LYPLAL1: variants seen among roughly 807,000 people sequenced by gnomAD.
LYPLAL1 encodes the protein lysophospholipase like 1.
Under a neutral mutation model 19.7 loss-of-function variants are expected in LYPLAL1, and 23 were observed. The ratio of observed to expected loss-of-function variants is 1.17; its 90% CI spans 0.84 to 1.65. The LOEUF (loss-of-function observed/expected upper bound fraction) is 1.65, where lower values mean the gene tolerates loss of function less well. Among genes scored for constraint, LYPLAL1 ranks in the 40% most tolerant of loss-of-function variants. The pLI is 0.00. For missense variants in LYPLAL1, 355 were observed against 279.4 expected, an observed-to-expected ratio of 1.27 and a Z score of -1.93; for synonymous variants, 119 against 96.3, an observed-to-expected ratio of 1.24 and a Z score of -1.38.
chr1:219,320,687 G>A, the LYPLAL1 span, among the ~76,000 whole-genome samples: 30 of 152,060 alleles, frequency 2.0e-4, no homozygotes, highest in Admixed American at 4.6e-4. Context: ...GAGAACATGC[G>A]GTGTTTGGTT....
At chr1:219,246,064 C>T in the LYPLAL1 span, among the ~76,000 whole-genome samples, 1 of 152,118 alleles carries the variant, frequency 6.6e-6, no homozygotes, top group African/African-American at 2.4e-5. Context: ...ATGAGTGAAC[C>T]TCTTTTCCCT....
At chr1:219,276,095 GCCA>G in the LYPLAL1 span, among the ~76,000 whole-genome samples, 1 of 152,096 alleles carries the variant, frequency 6.6e-6, no homozygotes, top group Non-Finnish European at 1.5e-5. Context: ...CTGCTTCCCA[GCCA>G]GCCTTTGAAG....
chr1:219,316,232 A>T, the LYPLAL1 span, among the ~76,000 whole-genome samples: 272 of 152,268 alleles, frequency 1.8e-3, no homozygotes, highest in Non-Finnish European at 3.1e-3. Context: ...CATTCTGTTA[A>T]TGTGGTATAT....
the LYPLAL1 span, among the ~76,000 whole-genome samples, chr1:219,301,529 C>G: frequency 1.3e-5 from 2 of 151,986 alleles, no homozygotes; most frequent in African/African-American, 4.8e-5. Flanking sequence ...AAATATTTTT[C>G]AATAAACCAC....
the LYPLAL1 span, among the ~76,000 whole-genome samples, chr1:219,295,941 A>T: frequency 6.6e-6 from 1 of 151,962 alleles, no homozygotes; most frequent in Non-Finnish European, 1.5e-5. Context: ...ACATTGACCT[A>T]CTCATTTCCT....
the LYPLAL1 span, among the ~76,000 whole-genome samples, chr1:219,364,157 G>A: frequency 1.3e-5 from 2 of 152,128 alleles, no homozygotes; most frequent in Non-Finnish European, 2.9e-5. Context: ...TGAATATGGT[G>A]CATGAAATAT....
At chr1:219,430,554 G>C in the LYPLAL1 span, among the ~76,000 whole-genome samples, 14 of 152,310 alleles carry the variant, frequency 9.2e-5, no homozygotes, top group South Asian at 1.4e-3. Context: ...AGTAAGTAAA[G>C]TAATGAATGA....
At chr1:219,249,835 AC>A in the LYPLAL1 span, among the ~76,000 whole-genome samples, 2 of 151,948 alleles carry the variant, frequency 1.3e-5, no homozygotes, top group Non-Finnish European at 2.9e-5. Flanking sequence ...TGGGATATTT[AC>A]TTTTCTAAAG....
At position 219,179,249 on chromosome 1, in the gene LYPLAL1, A is replaced by G. The variant is rs1334886860; in HGVS notation, c.191+3A>G. The G allele has an allele frequency of 3.8e-6, 6 of 1,592,888 alleles. No homozygotes were observed. The highest frequency in any genetic ancestry group is 4.3e-6 in the Non-Finnish European group (5 of 1,162,660). ...ATTTATCCAACAGCTCCTCCCAGGT[A>G]TGCAGTAATTTATCTCACTTGTCAA... On this transcript the variant is annotated splice_donor_region_variant and intron_variant, in intron 2 of 4. Coordinates refer to ENST00000366928, the MANE Select transcript of LYPLAL1 (RefSeq NM_138794.5).
At chr1:219,359,785 A>T in the LYPLAL1 span, among the ~76,000 whole-genome samples, 3 of 152,226 alleles carry the variant, frequency 2.0e-5, no homozygotes, top group South Asian at 6.2e-4. Flanking sequence ...ACCTGGAATC[A>T]AAACCATCAT....
the LYPLAL1 span, among the ~76,000 whole-genome samples, chr1:219,254,126 G>A: frequency 6.6e-6 from 1 of 151,868 alleles, no homozygotes; most frequent in Admixed American, 6.6e-5. Context: ...TTTTACATTT[G>A]CTTGGTAGGT....
rs1026786077 is a variant in LYPLAL1, at chr1:219,174,809, C to A, written c.91+828C>A. On this transcript the variant is annotated intron_variant, in intron 1 of 4. Transcript: ENST00000366928. ...AAATGTTTTTTAAAGAAATGAGATG[C>A]AGCCGGTGTCCTCAGGGGGCCTACC... 7 of 695,050 alleles carry A rather than the reference C, an allele frequency of 1.0e-5. No individual in the cohort carries two copies. In the Admixed American group the frequency reaches 2.5e-4, roughly 25 times the overall value. The allele number at this position is 695,050 out of a possible 1,614,324, so 43.1% of individuals were successfully genotyped here. A position where few individuals can be genotyped will look rare whatever the true frequency, so the allele number is the denominator to read the frequency against.
chr1:219,216,178 A>G (rs1196498456), downstream of LYPLAL1, among the ~76,000 whole-genome samples: 1 of 152,072 alleles, frequency 6.6e-6, no homozygotes, highest in East Asian at 1.9e-4. Context: ...CTTTTTGAAT[A>G]TATGGAATAT....
chr1:219,373,887 A>C, the LYPLAL1 span, among the ~76,000 whole-genome samples: 1 of 150,582 alleles, frequency 6.6e-6, no homozygotes, highest in African/African-American at 2.4e-5. Context: ...AAAAACAAAA[A>C]AAAAAACACA....
chr1:219,394,726 C>G, the LYPLAL1 span, among the ~76,000 whole-genome samples: 1 of 152,094 alleles, frequency 6.6e-6, no homozygotes, highest in Non-Finnish European at 1.5e-5. Flanking sequence ...TATTTCATCA[C>G]CCAGGCATTA....
chr1:219,340,140 A>C, the LYPLAL1 span, among the ~76,000 whole-genome samples: 1 of 152,092 alleles, frequency 6.6e-6, no homozygotes, highest in African/African-American at 2.4e-5. Context: ...TATTGAACAA[A>C]ATGCACAGCT....
At chr1:219,291,238 C>T in the LYPLAL1 span, among the ~76,000 whole-genome samples, 1 of 152,130 alleles carries the variant, frequency 6.6e-6, no homozygotes, top group African/African-American at 2.4e-5. Flanking sequence ...TATAAATTCT[C>T]AATATGTTAC....
At chr1:219,393,056 C>A in the LYPLAL1 span, among the ~76,000 whole-genome samples, 5 of 152,090 alleles carry the variant, frequency 3.3e-5, no homozygotes, top group African/African-American at 1.2e-4. Context: ...AAAACTGTTG[C>A]TTCTGTGATA....
intron 2 of LYPLAL1, among the ~76,000 whole-genome samples, chr1:219,188,754 T>A (rs1427214008): frequency 1.3e-5 from 2 of 151,600 alleles, no homozygotes; most frequent in African/African-American, 4.8e-5. Flanking sequence ...GTTGGTTGAT[T>A]GATTAACTTA....
Sources: allele counts gnomAD v4.1 joint callset (sites outside exome capture counted in the v4.1 genomes callset), GRCh38; gene constraint gnomAD v4.1.1; transcripts MANE v1.5; gene names NCBI Gene and HGNC (gene_info 2026-07-23, HGNC 2026-07-21).